SCRN2: variants seen among roughly 807,000 people sequenced by gnomAD.
SCRN2 encodes secernin 2.
Under a neutral mutation model 40.1 loss-of-function variants are expected in SCRN2, and 30 were observed. That is an observed-to-expected ratio of 0.75 (90% CI 0.56 to 1.01). The LOEUF is 1.01. Ranked by LOEUF, SCRN2 falls within the 50% of genes least tolerant of loss-of-function variation. The pLI is 0.00. For synonymous variants in SCRN2, 240 were observed against 233.5 expected (o/e 1.03, Z -0.25); for missense variants, 526 against 564.9 (o/e 0.93, Z 0.70).
chr17:47,839,436 C>T lies in SCRN2; in HGVS notation c.556+8G>A. Reference sequence around the variant, plus strand: ...CTTCCCAAAGCTGGGAGAAAGGGAACACCTCACCCTGGATCCTCTGTGCAG... The same window carrying T: ...CTTCCCAAAGCTGGGAGAAAGGGAATACCTCACCCTGGATCCTCTGTGCAG... On this transcript the variant is annotated splice_region_variant and intron_variant, in intron 4 of 7. Transcript: ENST00000290216. 6.2e-7 allele frequency: 1 copy of T among 1,611,428 alleles called. No individual in the cohort carries two copies. The highest frequency in any genetic ancestry group is 8.5e-7 in the Non-Finnish European group (1 of 1,179,436).
chr17:47,838,223 G>C (rs1231636845), intron 7 of SCRN2, 47 bp downstream of exon 7: 1 of 1,571,362 alleles, frequency 6.4e-7, no homozygotes, highest in Non-Finnish European at 8.6e-7. Flanking sequence ...TGGGAGTGGG[G>C]GAGGTCTATC....
rs2033793098 is a variant in SCRN2, at chr17:47,840,252, C to T, written c.295G>A (p.Ala99Thr). The T allele has an allele frequency of 6.2e-7, 1 of 1,614,044 alleles. No individual in the cohort carries two copies. Among genetic ancestry groups the T allele is most frequent in the Non-Finnish European group, 8.5e-7 (1 of 1,180,060 alleles). Residue 99 changes from alanine (A) to threonine (T), a missense_variant, in exon 3 of 8, where the codon GCT (alanine) becomes ACT (threonine). Transcript: ENST00000290216. ...NEHGVCIGNE[A>T]VWTKEPVGEG... ...CCAACTGGCTCCTTCGTCCACACAG[C>T]CTCGTTGCCAATGCAGACACCATGC...
rs2033781041 is a variant in SCRN2, at chr17:47,839,615, G to A, written c.385C>T (p.Gln129Ter). ...RLALERSSSA[Q>*]EALHVITGLL... ...CCTGTGATCACATGCAAGGCCTCCT[G>A]GGCAGAGCTGCTCCGTTCCAAAGCC... Residue 129 changes from glutamine (Q) to a stop codon, truncating the protein, a stop_gained, in exon 4 of 8, where the codon CAG becomes TAG. Transcript: ENST00000290216. LOFTEE classifies it high-confidence loss of function. 6.2e-7 allele frequency: 1 copy of A among 1,613,938 alleles called. No individual in the cohort carries two copies. The highest frequency in any genetic ancestry group is 1.3e-5 in the African/African-American group (1 of 74,926).
chr17:47,840,436 C>A, intron 2 of SCRN2, 64 bp from the exon 3 acceptor site: 1 of 1,552,066 alleles, frequency 6.4e-7, no homozygotes, highest in Non-Finnish European at 8.8e-7. Context: ...GAGTGTGGCA[C>A]TCTGCCAATT....
chr17:47,838,941 G>A lies in SCRN2; in HGVS notation c.622C>T (p.Leu208=), dbSNP rs2033762263. 6.2e-7 allele frequency: 1 copy of A among 1,613,922 alleles called. No individual in the cohort carries two copies. Among genetic ancestry groups the A allele is most frequent in the South Asian group, 1.1e-5 (1 of 91,094 alleles). ...CCCTTGGCCTGGGCATGAGTCCGCA[G>A]CTCCGGGTGTTGGGCCGAGATGTCC... The part of the protein sequence containing the change: ...GTDISAQHPE[L]RTHAQAKGWW... Residue 208 remains leucine, a synonymous_variant, in exon 5 of 8, where the codon CTG becomes TTG. Transcript: ENST00000290216.
rs201009499 is a variant in SCRN2, at chr17:47,838,231, A to G, written c.1119+39T>C. 4 of 1,573,980 alleles carry G rather than the reference A, an allele frequency of 2.5e-6. No individual in the cohort carries two copies. The African/African-American group carries it at 4.1e-5, about 16-fold the overall frequency. ...GTCCCACTGGGAGTGGGGGAGGTCT[A>G]TCATCCCCTCAAGGTAGCCCCTACT... On this transcript the variant is annotated intron_variant, in intron 7 of 7. Coordinates refer to ENST00000290216, the MANE Select transcript of SCRN2 (RefSeq NM_138355.4).
chr17:47,840,873 T>C, intron 1 of SCRN2, 30 bp from the exon 2 acceptor site: 1 of 1,472,932 alleles, frequency 6.8e-7, no homozygotes, highest in South Asian at 1.4e-5. Context: ...TCCATAACCC[T>C]GGCCACGGCT....
Position 47,837,902 on chromosome 17 carries a change from C to G in SCRN2, c.1220G>C (p.Trp407Ser), listed in dbSNP as rs2033723039. ...GGCCTGGAAGAGGCTGCCCAGCTCC[C>G]AGAGGGGTGGGGCCCACTCGCCGGC... is the stretch of plus-strand genomic sequence containing the variant. ...LLAGEWAPPL[W>S]ELGSLFQAFV... Residue 407 changes from tryptophan (W) to serine (S), a missense_variant, in exon 8 of 8, where the codon TGG becomes TCG. Coordinates refer to ENST00000290216, the MANE Select transcript of SCRN2 (RefSeq NM_138355.4). The G allele has an allele frequency of 6.2e-7, 1 of 1,604,756 alleles. No homozygotes were observed. Among genetic ancestry groups the G allele is most frequent in the Non-Finnish European group, 8.5e-7 (1 of 1,179,620 alleles).
Position 47,840,945 on chromosome 17 carries a change from G to T in SCRN2, c.1-102C>A, listed in dbSNP as rs115939576. 6.1e-3 allele frequency: 6,971 copies of T among 1,151,346 alleles called. 212 individuals are homozygous for T. The African/African-American group carries it at 0.082, about 14-fold the overall frequency. 71.3% of individuals were successfully genotyped at this position (1,151,346 alleles called of 1,614,324 possible). A position where few individuals can be genotyped will look rare whatever the true frequency, so the allele number is the denominator to read the frequency against. ...AGACGCGCAAGGAAGACACCGCCGT[G>T]GCTCCTGGACGCTCGGCGCACACAC... On this transcript the variant is annotated intron_variant, in intron 1 of 7. Transcript: ENST00000290216.
chr17:47,838,723 T>G (rs1392372181), intron 5 of SCRN2, 27 bp from the exon 6 acceptor site: 1 of 1,611,740 alleles, frequency 6.2e-7, no homozygotes, highest in South Asian at 1.1e-5. Context: ...GGGGAAGCTG[T>G]GGGAGGGGAG....
chr17:47,838,305 G>A lies in SCRN2; in HGVS notation c.1084C>T (p.His362Tyr). 6.2e-7 allele frequency: 1 copy of A among 1,607,668 alleles called. No homozygotes were observed. Among genetic ancestry groups the A allele is most frequent in the South Asian group, 1.1e-5 (1 of 90,404 alleles). ...TCCATCAGCCCCAGGGCTGCCTGGTGTCCACGGTAGAGGGTATGCCGACGA... is the reference window on the plus strand; with the variant it reads ...TCCATCAGCCCCAGGGCTGCCTGGTATCCACGGTAGAGGGTATGCCGACGA... ...VDRRHTLYRG[H>Y]QAALGLMERD... is the part of the protein sequence containing the mutation. The change falls in exon 7 of 8, where the codon CAC becomes TAC. Residue 362 changes from histidine (H) to tyrosine (Y), a missense_variant. Transcript: ENST00000290216.
chr17:47,841,028 G>A, intron 1 of SCRN2, 180 bp downstream of exon 1: 1 of 481,226 alleles, frequency 2.1e-6, no homozygotes, highest in Non-Finnish European at 3.4e-6. Context: ...CCAGGCTTGG[G>A]AGTCCGCAGG....
chr17:47,837,999 G>A lies in SCRN2; in HGVS notation c.1123C>T (p.Arg375Trp), dbSNP rs762130963. The A allele has an allele frequency of 6.9e-6, 11 of 1,605,622 alleles. No individual in the cohort carries two copies. Among genetic ancestry groups the A allele is most frequent in the South Asian group, 3.3e-5 (3 of 90,950 alleles). ...ALGLMERDQD[R>W]GQQLQQKQQD... ...TGTTTCTGCTGGAGCTGCTGCCCCC[G>A]ATCCTGCCCCAAGGGAAAGCTGAGA... The change falls in exon 8 of 8, where the codon CGG (arginine) becomes TGG (tryptophan). Residue 375 changes from arginine to tryptophan, a missense_variant. Coordinates refer to ENST00000290216, the MANE Select transcript of SCRN2 (RefSeq NM_138355.4).
intron 6 of SCRN2, 24 bp downstream of exon 6, chr17:47,838,507 C>T (rs2033747772): frequency 6.2e-7 from 1 of 1,614,018 alleles, no homozygotes; most frequent in East Asian, 2.2e-5. Context: ...TCTCCCCAGC[C>T]TTCCCCACCC....
rs199919446 is a variant in SCRN2 at position 47,838,240 on chromosome 17, T to G, written c.1119+30A>C. 22 of 1,577,320 alleles carry G rather than the reference T, an allele frequency of 1.4e-5. No homozygotes were observed. In the Admixed American group the frequency reaches 1.9e-4, roughly 13 times the overall value. On this transcript the variant is annotated intron_variant, in intron 7 of 7. Coordinates refer to ENST00000290216, the MANE Select transcript of SCRN2 (RefSeq NM_138355.4). Reference sequence around the variant, plus strand: ...GGAGTGGGGGAGGTCTATCATCCCCTCAAGGTAGCCCCTACTCCCTGGGGG... The same window carrying G: ...GGAGTGGGGGAGGTCTATCATCCCCGCAAGGTAGCCCCTACTCCCTGGGGG...
Position 47,840,739 on chromosome 17 carries a change from T to C in SCRN2, c.105A>G (p.Arg35=). ...PAVIFAKNSD[R]PRDEVQEVVF... ...CCACCTCCTGCACCTCGTCCCGGGG[T>C]CGGTCCGAGTTCTTGGCAAAGATCA... The change falls in exon 2 of 8, where the codon CGA becomes CGG. Residue 35 remains arginine, a synonymous_variant. Transcript: ENST00000290216. 1 of 1,598,682 alleles carries C rather than the reference T, an allele frequency of 6.3e-7. No individual in the cohort carries two copies. Among genetic ancestry groups the C allele is most frequent in the Non-Finnish European group, 8.5e-7 (1 of 1,172,268 alleles).
chr17:47,838,214 G>A (rs1207964146), intron 7 of SCRN2, 56 bp downstream of exon 7: 1 of 1,568,076 alleles, frequency 6.4e-7, no homozygotes, highest in East Asian at 2.3e-5. Context: ...GAGTCCCACT[G>A]GGAGTGGGGG....
intron 1 of SCRN2, 144 bp from the exon 2 acceptor site, chr17:47,840,987 G>T: frequency 1.4e-6 from 1 of 728,642 alleles, no homozygotes; most frequent in Non-Finnish European, 2.0e-6. Flanking sequence ...CGGGTGTGCG[G>T]GAACGGAGGT....
Position 47,838,546 on chromosome 17 carries a change from G to A in SCRN2, c.923C>T (p.Thr308Met), listed in dbSNP as rs368479709. ...TTCTTCCCACCTGGATGGGTCTGGC[G>A]TGGCGGTAAGAAAGTGCACGCAGGG... ...TQPCVHFLTATPDPSRSVFKP... is the reference protein window; with the variant it reads ...TQPCVHFLTAMPDPSRSVFKP... Residue 308 changes from threonine (T) to methionine (M), a missense_variant, in exon 6 of 8, where the codon ACG (threonine) becomes ATG (methionine). Thr to Met is a moderately conservative substitution (Grantham distance 81). Coordinates refer to ENST00000290216, the MANE Select transcript of SCRN2 (RefSeq NM_138355.4). 7.3e-5 allele frequency: 118 copies of A among 1,614,050 alleles called. No individual in the cohort carries two copies. Among genetic ancestry groups the A allele is most frequent in the South Asian group, 6.4e-4 (58 of 91,078 alleles).
Sources: gnomAD v4.1 joint callset for allele counts on GRCh38, gnomAD v4.1.1 for gene constraint, MANE v1.5 for transcripts, NCBI Gene and HGNC (gene_info 2026-07-23, HGNC 2026-07-21) for gene names.